NLGN4X: variants seen among roughly 807,000 people sequenced by gnomAD.
NLGN4X encodes neuroligin 4 X-linked.
NLGN4X carries 3 observed loss-of-function variants against 40.3 expected under a neutral mutation model. That is an observed-to-expected ratio of 0.07 (90% confidence interval 0.03 to 0.19). The LOEUF (loss-of-function observed/expected upper bound fraction) is 0.19, where lower values mean the gene tolerates loss of function less well. Among genes scored for constraint, NLGN4X ranks in the 10% least tolerant of loss-of-function variants. The probability of loss-of-function intolerance (pLI) is 1.00; values close to 1 mark genes in which losing one functional copy is unlikely to be tolerated. For synonymous variants in NLGN4X, 270 were observed against 306.8 expected (o/e 0.88, Z 1.25); for missense variants, 382 against 708.3 (o/e 0.54, Z 5.23).
At chrX:6,028,891 T>TACTGATTCATA (rs1272146881) in intron 3 of NLGN4X, among the ~76,000 whole-genome samples, 3 of 111,760 alleles carry the variant, frequency 2.7e-5, no homozygotes, top group African/African-American at 9.8e-5. Context: ...CCACACAATA[T>TACTGATTCATA]ACTGATTCAT....
intron 1 of NLGN4X, among the ~76,000 whole-genome samples, chrX:6,205,501 A>G (rs1338146553): frequency 3.5e-5 from 4 of 112,716 alleles, no homozygotes; most frequent in Non-Finnish European, 7.5e-5. Context: ...ATCTCTTCCC[A>G]GATAAGAAAA....
At chrX:6,179,893 T>A (rs1921239605) in intron 1 of NLGN4X, among the ~76,000 whole-genome samples, 1 of 111,739 alleles carries the variant, frequency 8.9e-6, no homozygotes, top group Non-Finnish European at 1.9e-5. Context: ...GCTTCTGTTT[T>A]CTCATAAGCA....
chrX:6,077,961 G>C (rs1334154489), intron 2 of NLGN4X, among the ~76,000 whole-genome samples: 2 of 111,684 alleles, frequency 1.8e-5, no homozygotes, highest in African/African-American at 6.5e-5. Flanking sequence ...CATTCACAAA[G>C]AAAGCTTGGT....
Position 6,173,156 on chromosome X carries a change from T to A in NLGN4X, c.-305-21385A>T, listed in dbSNP as rs148136279. ...TCCAAAATAAATTTCATCTGCTCCCTGTGGAGAGGAGGGAAGGACCGTACT... is the reference window on the plus strand; with the variant it reads ...TCCAAAATAAATTTCATCTGCTCCCAGTGGAGAGGAGGGAAGGACCGTACT... On this transcript the variant is annotated intron_variant, in intron 1 of 5. Coordinates refer to ENST00000381095, the MANE Select transcript of NLGN4X (RefSeq NM_181332.3). 8.6e-3 allele frequency among the ~76,000 whole-genome samples: 965 copies of A among 112,449 alleles called. 8 individuals are homozygous for A. The highest frequency in any genetic ancestry group is 0.03 in the African/African-American group (925 of 30,988).
intron 3 of NLGN4X, among the ~76,000 whole-genome samples, chrX:6,025,909 A>G (rs1194088504): frequency 2.7e-4 from 30 of 109,949 alleles, no homozygotes; most frequent in Non-Finnish European, 4.9e-4. Flanking sequence ...CATCTCAAAA[A>G]AAAAAAAAAA....
chrX:6,149,684 G>A (rs186885597), intron 2 of NLGN4X, among the ~76,000 whole-genome samples: 65 of 111,240 alleles, frequency 5.8e-4, no homozygotes, highest in African/African-American at 1.6e-3. Flanking sequence ...TAACGACAAG[G>A]GCAATATGCC....
intron 2 of NLGN4X, among the ~76,000 whole-genome samples, chrX:6,105,605 A>G (rs1051345074): frequency 2.7e-5 from 3 of 111,538 alleles, no homozygotes; most frequent in Admixed American, 1.9e-4. Context: ...CCACCTAACT[A>G]ACTGCCACTG....
At chrX:6,224,145 G>C (rs1925944311) in intron 1 of NLGN4X, among the ~76,000 whole-genome samples, 1 of 112,415 alleles carries the variant, frequency 8.9e-6, no homozygotes, top group African/African-American at 3.2e-5. Flanking sequence ...GGATACTAAA[G>C]GACTTAAAAT....
At chrX:6,015,384 C>G (rs1217683985) in intron 3 of NLGN4X, among the ~76,000 whole-genome samples, 5 of 111,639 alleles carry the variant, frequency 4.5e-5, no homozygotes, top group African/African-American at 1.6e-4. Flanking sequence ...ACTAGAAACT[C>G]TATCTCACTC....
chrX:5,970,351 GA>G (rs750607899), intron 3 of NLGN4X, among the ~76,000 whole-genome samples: 4 of 108,092 alleles, frequency 3.7e-5, no homozygotes, highest in African/African-American at 1.3e-4. Flanking sequence ...AAAAGAAAAA[GA>G]AAAAAAAAGG....
At chrX:5,922,363 C>T (rs998165324) in intron 3 of NLGN4X, among the ~76,000 whole-genome samples, 8 of 111,140 alleles carry the variant, frequency 7.2e-5, no homozygotes, top group African/African-American at 2.6e-4. Flanking sequence ...GTTCCCAACA[C>T]AAAGAAATGA....
At chrX:5,924,632 GA>G (rs1474109117) in intron 3 of NLGN4X, among the ~76,000 whole-genome samples, 1 of 111,941 alleles carries the variant, frequency 8.9e-6, no homozygotes, top group Non-Finnish European at 1.9e-5. Flanking sequence ...AGCGGATAAA[GA>G]AACTGTGGTA....
At chrX:5,929,492 G>A (rs985154694) in intron 3 of NLGN4X, among the ~76,000 whole-genome samples, 4 of 110,605 alleles carry the variant, frequency 3.6e-5, no homozygotes, top group African/African-American at 9.9e-5. Context: ...ATGTGTATAC[G>A]CATCTTATAA....
chrX:6,066,818 T>C (rs1293110948), intron 2 of NLGN4X, among the ~76,000 whole-genome samples: 1 of 110,661 alleles, frequency 9.0e-6, no homozygotes, highest in Non-Finnish European at 1.9e-5. Flanking sequence ...ACAATAAATA[T>C]GCAAAAGGGC....
At chrX:5,962,843 G>A (rs2034706115) in intron 3 of NLGN4X, among the ~76,000 whole-genome samples, 1 of 111,927 alleles carries the variant, frequency 8.9e-6, no homozygotes, top group South Asian at 3.7e-4. Context: ...GAAGTGGGTT[G>A]TCAACAGAGA....
At chrX:6,069,711 G>T (rs2038012965) in intron 2 of NLGN4X, among the ~76,000 whole-genome samples, 1 of 111,790 alleles carries the variant, frequency 8.9e-6, no homozygotes, top group South Asian at 3.7e-4. Context: ...TTGTATTCAT[G>T]CTGAAATACA....
At chrX:5,947,433 G>A (rs999771842) in intron 3 of NLGN4X, among the ~76,000 whole-genome samples, 3 of 111,884 alleles carry the variant, frequency 2.7e-5, no homozygotes, top group African/African-American at 3.2e-5. Flanking sequence ...CAAAATGCAC[G>A]CAAGGTCAGG....
chrX:5,923,533 G>A (rs752264983), intron 3 of NLGN4X, among the ~76,000 whole-genome samples: 22 of 112,328 alleles, frequency 2.0e-4, no homozygotes, highest in Non-Finnish European at 3.8e-4. Flanking sequence ...TGCCTGGGGA[G>A]GCCTCACAAT....
At chrX:6,125,996 CTT>C (rs1491520194) in intron 2 of NLGN4X, among the ~76,000 whole-genome samples, 2 of 66,396 alleles carry the variant, frequency 3.0e-5, no homozygotes, top group African/African-American at 6.3e-5. Context: ...AAAAATGTTT[CTT>C]TTAAGATTAA....
Sources: gnomAD v4.1 joint callset for allele counts (sites outside exome capture counted in the v4.1 genomes callset) on GRCh38, gnomAD v4.1.1 for gene constraint, MANE v1.5 for transcripts, NCBI Gene and HGNC (gene_info 2026-07-23, HGNC 2026-07-21) for gene names.